Variants in FAT3 observed in about 807,000 individuals in gnomAD.
The protein encoded by FAT3 is protocadherin Fat 3.
FAT3 carries 95 observed loss-of-function variants against 310.2 expected under a neutral mutation model. That is an observed-to-expected ratio of 0.31 (90% CI 0.26 to 0.36). The LOEUF is 0.36. Ranked by LOEUF, FAT3 falls within the 10% of genes least tolerant of loss-of-function variation. The pLI, the probability that FAT3 is intolerant of heterozygous loss-of-function variation, is 1.00. For synonymous variants in FAT3, 2,314 were observed against 2,192.9 expected (o/e 1.06, Z -1.54); for missense variants, 5,408 against 5,715.6 (o/e 0.95, Z 1.74).
At chr11:92,797,643 G>T (rs1947210200) in intron 9 of FAT3, among the ~76,000 whole-genome samples, 193 bp from the exon 10 acceptor site, 1 of 152,082 alleles carries the variant, frequency 6.6e-6, no homozygotes, top group Non-Finnish European at 1.5e-5. Flanking sequence ...ATAATACTGG[G>T]AAACTCATTT....
rs1953181256 is a variant in FAT3 at position 92,508,307 on chromosome 11, T to C, written c.3293-16327T>C. 2.0e-5 allele frequency among the ~76,000 whole-genome samples: 3 copies of C among 152,086 alleles called. No homozygotes were observed. In the South Asian group the frequency reaches 6.2e-4, roughly 32 times the overall value. On this transcript the variant is annotated intron_variant, in intron 2 of 27. Transcript: ENST00000525166. ...ATAAAATCACCTGTGAAAGAGTGCA[T>C]TCATTCACTTGAGAAAAGAATAAGT...
At chr11:92,577,271 A>G (rs1938532697) in intron 3 of FAT3, among the ~76,000 whole-genome samples, 1 of 151,464 alleles carries the variant, frequency 6.6e-6, no homozygotes, top group East Asian at 2.0e-4. Context: ...AACATGCCCC[A>G]TTAATTTTTG....
rs748742759 is a variant in FAT3 at position 92,891,214 on chromosome 11, G to A, written c.*101G>A. 4.7e-4 allele frequency: 669 copies of A among 1,433,432 alleles called. No individual in the cohort carries two copies. The highest frequency in any genetic ancestry group is 6.2e-4 in the Non-Finnish European group (655 of 1,063,634). 88.8% of individuals were successfully genotyped at this position (1,433,432 alleles called of 1,614,324 possible). On this transcript the variant is annotated 3_prime_UTR_variant, in exon 28 of 28. Coordinates refer to ENST00000525166, the MANE Select transcript of FAT3 (RefSeq NM_001367949.2). ...GAGCATTGTCTGTGGAATGAGAAGG[G>A]AATACTGTATTTTTCCACTAGAAAC...
At chr11:92,242,096 G>A (rs1452387192) in intron 1 of FAT3, among the ~76,000 whole-genome samples, 1 of 152,082 alleles carries the variant, frequency 6.6e-6, no homozygotes, top group East Asian at 1.9e-4. Flanking sequence ...TGATGACATT[G>A]ATGGCAAAGG....
chr11:92,229,507 G>GTTTTTTTTTTTTTTTTT (rs1565339350), intron 1 of FAT3, among the ~76,000 whole-genome samples: 1 of 58,158 alleles, frequency 1.7e-5, no homozygotes, highest in Non-Finnish European at 3.1e-5. Context: ...TTTTTTTTTT[G>GTTTTTTTTTTTTTTTTT]TTTTTTGTTT....
intron 12 of FAT3, among the ~76,000 whole-genome samples, chr11:92,807,127 G>A (rs1368907459): frequency 6.6e-6 from 1 of 152,096 alleles, no homozygotes; most frequent in Admixed American, 6.5e-5. Context: ...TCTATGGAGG[G>A]GGATCTTAAG....
At chr11:92,744,037 A>G (rs564330080) in intron 4 of FAT3, among the ~76,000 whole-genome samples, 10 of 152,288 alleles carry the variant, frequency 6.6e-5, no homozygotes, top group African/African-American at 2.4e-4. Context: ...TTCAGGTATT[A>G]TGTTGTAAGC....
At chr11:92,394,166 A>C (rs970123518) in intron 2 of FAT3, among the ~76,000 whole-genome samples, 11 of 152,182 alleles carry the variant, frequency 7.2e-5, no homozygotes, top group African/African-American at 2.7e-4. Flanking sequence ...TCACTGATAG[A>C]TTATAAAAAT....
chr11:92,387,879 C>T (rs1397780109), intron 2 of FAT3, among the ~76,000 whole-genome samples: 1 of 152,086 alleles, frequency 6.6e-6, no homozygotes, highest in Non-Finnish European at 1.5e-5. Flanking sequence ...CAATAGATAG[C>T]TCTTGATTTT....
At chr11:92,714,713 G>C (rs886259043) in intron 4 of FAT3, among the ~76,000 whole-genome samples, 2 of 152,082 alleles carry the variant, frequency 1.3e-5, no homozygotes, top group African/African-American at 4.8e-5. Flanking sequence ...CTCCTATGAA[G>C]TTGCATTTTT....
intron 3 of FAT3, among the ~76,000 whole-genome samples, chr11:92,552,360 T>C (rs982740592): frequency 2.0e-5 from 3 of 152,308 alleles, no homozygotes; most frequent in African/African-American, 7.2e-5. Flanking sequence ...GAGTGCTCTT[T>C]GTAAAAGTCA....
At chr11:92,416,671 C>G (rs1162790262) in intron 2 of FAT3, among the ~76,000 whole-genome samples, 1 of 152,124 alleles carries the variant, frequency 6.6e-6, no homozygotes, top group Non-Finnish European at 1.5e-5. Flanking sequence ...GAAAACAGTT[C>G]AAATAGAAAG....
rs1304436577 is a variant in FAT3, at chr11:92,764,859, T to G, written c.3985-20T>G. 6.2e-7 allele frequency: 1 copy of G among 1,609,358 alleles called. No homozygotes were observed. The highest frequency in any genetic ancestry group is 1.3e-5 in the African/African-American group (1 of 74,740). ...ATCAGAGGTCTGAGACATCTTTCTCTTCTCTCCCTGTGTGAGTAGATAAAG... is the reference window on the plus strand; with the variant it reads ...ATCAGAGGTCTGAGACATCTTTCTCGTCTCTCCCTGTGTGAGTAGATAAAG... On this transcript the variant is annotated intron_variant, in intron 5 of 27. Coordinates refer to ENST00000525166, the MANE Select transcript of FAT3 (RefSeq NM_001367949.2).
intron 5 of FAT3, among the ~76,000 whole-genome samples, chr11:92,763,478 A>T (rs1247406846): frequency 6.6e-6 from 1 of 152,118 alleles, no homozygotes; most frequent in Admixed American, 6.5e-5. Flanking sequence ...GTCCTGCCCC[A>T]ATCCCATTCT....
intron 4 of FAT3, among the ~76,000 whole-genome samples, chr11:92,717,175 G>A (rs1010474370): frequency 3.3e-5 from 5 of 152,082 alleles, no homozygotes; most frequent in African/African-American, 4.8e-5. Flanking sequence ...CCTTCTTCAC[G>A]TCAAAAAATC....
chr11:92,541,873 G>T (rs147202730), intron 3 of FAT3, among the ~76,000 whole-genome samples: 1 of 152,082 alleles, frequency 6.6e-6, no homozygotes, highest in Non-Finnish European at 1.5e-5. Context: ...AATCATAATA[G>T]TAATTGCAGT....
intron 1 of FAT3, among the ~76,000 whole-genome samples, chr11:92,254,949 G>A (rs529486013): frequency 8.5e-5 from 13 of 152,184 alleles, no homozygotes; most frequent in African/African-American, 2.9e-4. Context: ...CAGGTAATCT[G>A]CCTTACTCGG....
intron 19 of FAT3, among the ~76,000 whole-genome samples, chr11:92,851,594 T>C (rs1250932814): frequency 6.6e-6 from 1 of 152,112 alleles, no homozygotes; most frequent in Non-Finnish European, 1.5e-5. Context: ...TACTCTGCCA[T>C]TTTTGTGACA....
chr11:92,524,977 T>C, intron 3 of FAT3, 29 bp downstream of exon 3: 2 of 1,565,758 alleles, frequency 1.3e-6, no homozygotes, highest in Non-Finnish European at 1.8e-6. Context: ...GACTTCTTTT[T>C]AGTTTGTAGT....
Sources: gnomAD v4.1 joint callset for allele counts (sites outside exome capture counted in the v4.1 genomes callset) on GRCh38, gnomAD v4.1.1 for gene constraint, MANE v1.5 for transcripts, NCBI Gene and HGNC (gene_info 2026-07-23, HGNC 2026-07-21) for gene names.